The following MAP2 variants were observed in gnomAD, a reference collection of about 807,000 sequenced individuals.
MAP2 encodes microtubule associated protein 2.
MAP2 carries 14 observed loss-of-function variants against 137.6 expected under a neutral mutation model. The observed-to-expected ratio is 0.10, with a 90% CI of 0.07 to 0.16. The LOEUF (loss-of-function observed/expected upper bound fraction) is 0.16. Among genes scored for constraint, MAP2 ranks in the 10% least tolerant of loss-of-function variants. The probability of loss-of-function intolerance (pLI) is 1.00; values close to 1 mark genes in which losing one functional copy is unlikely to be tolerated. For synonymous variants in MAP2, 786 were observed against 782.3 expected, an observed-to-expected ratio of 1.00 and a Z score of -0.08; for missense variants, 2,088 against 2,191.5, an observed-to-expected ratio of 0.95 and a Z score of 0.94.
rs148251979 is a variant in MAP2 at position 209,442,615 on chromosome 2, A to T, written c.-222+18339A>T. 5.3e-5 allele frequency among the ~76,000 whole-genome samples: 8 copies of T among 151,772 alleles called. No homozygotes were observed. The East Asian group carries it at 1.5e-3, about 29-fold the overall frequency. On this transcript the variant is annotated intron_variant, in intron 1 of 15. Transcript: ENST00000682079. ...TGATCTTTTCCATTGTCCGATATTT[A>T]ACAACCATTTGTATTCTGACTACTT...
intron 1 of MAP2, among the ~76,000 whole-genome samples, chr2:209,455,995 C>T (rs1211433910): frequency 6.6e-6 from 1 of 152,028 alleles, no homozygotes. Context: ...GTCAATGTAC[C>T]CCAGTTTTAC....
chr2:209,430,210 A>G (rs1693875293), intron 1 of MAP2, among the ~76,000 whole-genome samples: 2 of 150,752 alleles, frequency 1.3e-5, no homozygotes, highest in African/African-American at 2.4e-5. Flanking sequence ...AATTTGCTAC[A>G]AAACTTATTT....
At chr2:209,712,010 A>C (rs1172922552) in intron 13 of MAP2, among the ~76,000 whole-genome samples, 2 of 152,126 alleles carry the variant, frequency 1.3e-5, no homozygotes, top group Non-Finnish European at 2.9e-5. Context: ...TAAAACTAAC[A>C]AAAGTAATTA....
At chr2:209,722,456 A>G (rs2071543534) in intron 13 of MAP2, among the ~76,000 whole-genome samples, 3 of 152,222 alleles carry the variant, frequency 2.0e-5, no homozygotes, top group Admixed American at 1.3e-4. Flanking sequence ...TATCTAAGGT[A>G]AATTTATTTA....
chr2:209,662,716 A>G (rs2044236816), intron 5 of MAP2, among the ~76,000 whole-genome samples: 1 of 152,100 alleles, frequency 6.6e-6, no homozygotes, highest in African/African-American at 2.4e-5. Context: ...GATGAAAGTA[A>G]TAAGTAATGG....
At chr2:209,618,105 A>C (rs1251047047) in intron 3 of MAP2, among the ~76,000 whole-genome samples, 1 of 152,174 alleles carries the variant, frequency 6.6e-6, no homozygotes, top group African/African-American at 2.4e-5. Flanking sequence ...TACATCAGTG[A>C]AAGAAACATT....
At chr2:209,718,251 A>G (rs1462596919) in intron 13 of MAP2, among the ~76,000 whole-genome samples, 1 of 152,290 alleles carries the variant, frequency 6.6e-6, no homozygotes, top group Non-Finnish European at 1.5e-5. Flanking sequence ...CTTTTTATCT[A>G]CTGTTCATTC....
intron 9 of MAP2, 43 bp from the exon 10 acceptor site, chr2:209,696,874 A>C (rs768802690): frequency 2.5e-6 from 4 of 1,576,234 alleles, no homozygotes; most frequent in Non-Finnish European, 2.6e-6. Flanking sequence ...CCACGTGTTT[A>C]TTTTTTCCTG....
intron 2 of MAP2, among the ~76,000 whole-genome samples, chr2:209,572,551 G>C (rs2074569255): frequency 6.6e-6 from 1 of 151,990 alleles, no homozygotes; most frequent in Non-Finnish European, 1.5e-5. Flanking sequence ...GAGCTCAGTG[G>C]CATAGAATAC....
At chr2:209,640,911 C>A (rs1169260130) in intron 4 of MAP2, among the ~76,000 whole-genome samples, 3 of 149,296 alleles carry the variant, frequency 2.0e-5, no homozygotes, top group African/African-American at 4.9e-5. Flanking sequence ...TCATGACTGC[C>A]ATTTCTTCTC....
intron 2 of MAP2, among the ~76,000 whole-genome samples, chr2:209,545,023 A>T (rs1479064083): frequency 6.6e-6 from 1 of 152,006 alleles, no homozygotes; most frequent in Non-Finnish European, 1.5e-5. Flanking sequence ...AATTCAAACT[A>T]TTTTTGCCTG....
At chr2:209,463,191 C>A (rs1346004234) in intron 1 of MAP2, among the ~76,000 whole-genome samples, 1 of 152,150 alleles carries the variant, frequency 6.6e-6, no homozygotes, top group African/African-American at 2.4e-5. Flanking sequence ...TATACTGAGT[C>A]TTATAGTGTC....
intron 1 of MAP2, among the ~76,000 whole-genome samples, chr2:209,435,998 T>TATAAA (rs1559159527): frequency 0.036 from 3,204 of 88,806 alleles, 228 homozygotes; most frequent in Non-Finnish European, 0.045. Flanking sequence ...TATTATATAC[T>TATAAA]ATATATACAG....
At chr2:209,616,907 A>ATAT (rs2089635539) in intron 3 of MAP2, among the ~76,000 whole-genome samples, 2 of 152,150 alleles carry the variant, frequency 1.3e-5, no homozygotes, top group South Asian at 4.1e-4. Context: ...TTGGACAAAA[A>ATAT]GGATATTATC....
At chr2:209,452,820 C>G (rs1700624716) in intron 1 of MAP2, among the ~76,000 whole-genome samples, 1 of 152,238 alleles carries the variant, frequency 6.6e-6, no homozygotes, top group African/African-American at 2.4e-5. Context: ...ACCTTAACTC[C>G]TTTGCTGCAA....
At chr2:209,487,269 G>A (rs949805998) in intron 1 of MAP2, among the ~76,000 whole-genome samples, 7 of 152,114 alleles carry the variant, frequency 4.6e-5, no homozygotes, top group African/African-American at 1.2e-4. Context: ...GGAATGCTCC[G>A]TTTTCGCTTA....
intron 3 of MAP2, among the ~76,000 whole-genome samples, chr2:209,593,945 A>T (rs1230968138): frequency 1.5e-5 from 2 of 132,752 alleles, no homozygotes; most frequent in Non-Finnish European, 3.1e-5. Flanking sequence ...ATATATATTT[A>T]TATATATATA....
At chr2:209,667,190 T>C in intron 5 of MAP2, among the ~76,000 whole-genome samples, 1 of 152,118 alleles carries the variant, frequency 6.6e-6, no homozygotes. Context: ...CCTATAGCTT[T>C]TGATCACCTT....
At chr2:209,551,006 G>C (rs1173624794) in intron 2 of MAP2, among the ~76,000 whole-genome samples, 1 of 152,022 alleles carries the variant, frequency 6.6e-6, no homozygotes, top group Non-Finnish European at 1.5e-5. Context: ...TTCAAAGCAA[G>C]ATCTAATAAG....
Sources: gnomAD v4.1 joint callset for allele counts (sites outside exome capture counted in the v4.1 genomes callset) on GRCh38, gnomAD v4.1.1 for gene constraint, MANE v1.5 for transcripts, NCBI Gene and HGNC (gene_info 2026-07-23, HGNC 2026-07-21) for gene names.